The following ESRRB variants were observed in gnomAD, a reference collection of about 807,000 sequenced individuals.
ESRRB encodes the protein estrogen related receptor beta.
A neutral mutation model predicts 46.0 loss-of-function variants in ESRRB; 16 were observed. The ratio of observed to expected loss-of-function variants is 0.35; its 90% CI spans 0.24 to 0.53. The LOEUF is 0.53. Among genes scored for constraint, ESRRB ranks in the 20% least tolerant of loss-of-function variants. The pLI is 0.93. For synonymous variants in ESRRB, 246 were observed against 259.6 expected (o/e 0.95, Z 0.50); for missense variants, 488 against 607.4 (o/e 0.80, Z 2.07).
intron 1 of ESRRB, among the ~76,000 whole-genome samples, chr14:76,358,323 AAAAGAAAGAAAG>A (rs869092343): frequency 0.042 from 2,229 of 52,602 alleles, 95 homozygotes; most frequent in East Asian, 0.056. Context: ...AAAAAAAAAA[AAAAGAAAGAAAG>A]AAAGAAAGAA....
chr14:76,439,289 C>A, intron 1 of ESRRB, 52 bp from the exon 2 acceptor site: 1 of 1,607,466 alleles, frequency 6.2e-7, no homozygotes, highest in South Asian at 1.1e-5. Context: ...TGGACCCGCC[C>A]ACCACACCCA....
At position 76,439,707 on chromosome 14, in the gene ESRRB, C is replaced by T; in HGVS notation, c.417C>T (p.Ala139=). ...CCTCTGGCTACCACTACGGCGTGGC[C>T]TCCTGCGAGGCTTGCAAGGCCTTCT... ...DIASGYHYGV[A]SCEACKAFFK... Residue 139 remains alanine (A), a synonymous_variant, in exon 2 of 7, where the codon GCC becomes GCT. Transcript: ENST00000644823. The T allele has an allele frequency of 1.9e-6, 3 of 1,614,156 alleles. No individual in the cohort carries two copies. The highest frequency in any genetic ancestry group is 2.5e-6 in the Non-Finnish European group (3 of 1,179,974).
At chr14:76,447,552 T>C (rs1261244066) in intron 2 of ESRRB, among the ~76,000 whole-genome samples, 1 of 152,106 alleles carries the variant, frequency 6.6e-6, no homozygotes, top group Non-Finnish European at 1.5e-5. Context: ...ACATTTCCAC[T>C]TGGATGCCCC....
At chr14:76,442,966 C>T (rs1444582792) in intron 2 of ESRRB, among the ~76,000 whole-genome samples, 1 of 151,712 alleles carries the variant, frequency 6.6e-6, no homozygotes, top group African/African-American at 2.4e-5. Context: ...AGGTGCTGGC[C>T]ACAACACCTG....
chr14:76,440,759 C>T (rs1887890786), intron 2 of ESRRB, among the ~76,000 whole-genome samples: 1 of 151,546 alleles, frequency 6.6e-6, no homozygotes, highest in Admixed American at 6.6e-5. Flanking sequence ...GAGTCTCGGG[C>T]CAGGCACACT....
At chr14:76,340,154 C>T (rs1388710185) in intron 1 of ESRRB, among the ~76,000 whole-genome samples, 1 of 152,134 alleles carries the variant, frequency 6.6e-6, no homozygotes, top group Non-Finnish European at 1.5e-5. Context: ...AGTGGCCATT[C>T]ACCTAAGCAA....
chr14:76,459,963 T>G (rs992539865), intron 2 of ESRRB, among the ~76,000 whole-genome samples: 1 of 146,056 alleles, frequency 6.8e-6, no homozygotes, highest in African/African-American at 2.8e-5. Flanking sequence ...CCTTCACCTG[T>G]AGATCTCTGA....
At chr14:76,328,028 G>A (rs1883956064) in intron 1 of ESRRB, among the ~76,000 whole-genome samples, 1 of 152,068 alleles carries the variant, frequency 6.6e-6, no homozygotes, top group Non-Finnish European at 1.5e-5. Context: ...CTGTGCTTTT[G>A]ACCTTGTACT....
chr14:76,342,670 C>T (rs1884205623), intron 1 of ESRRB, among the ~76,000 whole-genome samples: 1 of 152,206 alleles, frequency 6.6e-6, no homozygotes, highest in Non-Finnish European at 1.5e-5. Flanking sequence ...TTTGATTTCC[C>T]CATCTGTAAA....
upstream of ESRRB, among the ~76,000 whole-genome samples, chr14:76,367,257 G>GA (rs370642381): frequency 2.1e-4 from 31 of 149,080 alleles, no homozygotes; most frequent in Middle Eastern, 3.4e-3. Context: ...AGCTTATAAA[G>GA]AAAAAAAAAA....
intron 1 of ESRRB, among the ~76,000 whole-genome samples, chr14:76,400,525 A>G (rs977187490): frequency 6.6e-6 from 1 of 152,154 alleles, no homozygotes; most frequent in Non-Finnish European, 1.5e-5. Context: ...TTCTTTTATA[A>G]TGTGATGCTT....
At chr14:76,363,892 C>T (rs1884492691) in intron 1 of ESRRB, among the ~76,000 whole-genome samples, 1 of 152,212 alleles carries the variant, frequency 6.6e-6, no homozygotes, top group African/African-American at 2.4e-5. Flanking sequence ...TAATCCCAGA[C>T]TGTTTTCTGG....
At chr14:76,487,936 G>A (rs754120911) in intron 5 of ESRRB, among the ~76,000 whole-genome samples, 1 of 152,108 alleles carries the variant, frequency 6.6e-6, no homozygotes, top group Non-Finnish European at 1.5e-5. Flanking sequence ...GAATTGCTAG[G>A]TTGAAGGGAG....
At chr14:76,485,668 AG>A (rs1889989245) in intron 5 of ESRRB, among the ~76,000 whole-genome samples, 1 of 151,208 alleles carries the variant, frequency 6.6e-6, no homozygotes, top group Admixed American at 6.6e-5. Context: ...AGAAAGAAAG[AG>A]AGAGAGAGAG....
intron 2 of ESRRB, among the ~76,000 whole-genome samples, chr14:76,455,046 G>A (rs374050956): frequency 1.8e-4 from 20 of 109,802 alleles, no homozygotes; most frequent in East Asian, 1.4e-3. Context: ...GTGAAACCCC[G>A]TCTCTACTAA....
Position 76,462,586 on chromosome 14 carries a change from A to G in ESRRB, c.502A>G (p.Ile168Val), listed in dbSNP as rs147113323. ...YSCPATNECE[I>V]TKRRRKSCQA... is the part of the protein sequence containing the mutation. ...CTGCCCGGCCACCAACGAGTGCGAGATCACCAAACGGAGGCGCAAGTCCTG... is the reference window on the plus strand; with the variant it reads ...CTGCCCGGCCACCAACGAGTGCGAGGTCACCAAACGGAGGCGCAAGTCCTG... Residue 168 changes from isoleucine (I) to valine (V), a missense_variant, in exon 3 of 7, where the codon ATC becomes GTC. Transcript: ENST00000644823. 1.2e-6 allele frequency: 2 copies of G among 1,614,088 alleles called. No homozygotes were observed. The highest frequency in any genetic ancestry group is 1.7e-6 in the Non-Finnish European group (2 of 1,179,998).
chr14:76,380,731 T>G (rs1484683748), intron 1 of ESRRB, among the ~76,000 whole-genome samples: 1 of 152,174 alleles, frequency 6.6e-6, no homozygotes, highest in Non-Finnish European at 1.5e-5. Context: ...GGCTCTTGAC[T>G]GAATGTTACT....
chr14:76,318,348 C>T (rs1883826966), intron 1 of ESRRB, among the ~76,000 whole-genome samples: 1 of 152,188 alleles, frequency 6.6e-6, no homozygotes, highest in African/African-American at 2.4e-5. Flanking sequence ...CCTTCACCTG[C>T]CGAGTGGGGC....
chr14:76,452,346 G>A (rs1888418099), intron 2 of ESRRB, among the ~76,000 whole-genome samples: 1 of 152,072 alleles, frequency 6.6e-6, no homozygotes, highest in African/African-American at 2.4e-5. Flanking sequence ...GTGGATTCAG[G>A]CTGGGCACAG....
Sources: gnomAD v4.1 joint callset for allele counts (sites outside exome capture counted in the v4.1 genomes callset) on GRCh38, gnomAD v4.1.1 for gene constraint, MANE v1.5 for transcripts, NCBI Gene and HGNC (gene_info 2026-07-23, HGNC 2026-07-21) for gene names.